The following WDFY3 variants were observed in gnomAD, a reference collection of about 807,000 sequenced individuals.
The protein encoded by WDFY3 is WD repeat and FYVE domain containing 3.
WDFY3 carries 66 observed loss-of-function variants against 409.6 expected under a neutral mutation model. The observed-to-expected ratio is 0.16, with a 90% CI of 0.13 to 0.20. The LOEUF (loss-of-function observed/expected upper bound fraction) is 0.20, where lower values mean the gene tolerates loss of function less well. Ranked by LOEUF, WDFY3 falls within the 10% of genes least tolerant of loss-of-function variation. The pLI is 1.00. For missense variants in WDFY3, 3,031 were observed against 4,298.1 expected (o/e 0.71, Z 8.24); for synonymous variants, 1,521 against 1,537.1 (o/e 0.99, Z 0.25).
At chr4:84,702,322 A>G (rs1359286826) in intron 56 of WDFY3, 31 bp downstream of exon 56, 2 of 1,535,758 alleles carry the variant, frequency 1.3e-6, no homozygotes, top group Admixed American at 4.4e-5. Flanking sequence ...CCTGGCTAAC[A>G]TTCCTAAGAC....
In WDFY3 at chr4:84,670,161, A is replaced by C. The variant is rs1269911865; in HGVS notation, c.*2707T>G. 2 of 152,668 alleles carry C rather than the reference A, an allele frequency of 1.3e-5. No homozygotes were observed. The highest frequency in any genetic ancestry group is 4.8e-5 in the African/African-American group (2 of 41,472). The allele number at this position is 152,668 out of a possible 1,614,324, so 9.5% of individuals were successfully genotyped here. A position where few individuals can be genotyped will look rare whatever the true frequency, so the allele number is the denominator to read the frequency against. On this transcript the variant is annotated 3_prime_UTR_variant, in exon 68 of 68. Coordinates refer to ENST00000295888, the MANE Select transcript of WDFY3 (RefSeq NM_014991.6). ...CTATTCTCTTCTTCAAAAGCATGAC[A>C]TTAGAGTTGCACACTACATAGAAAT...
intron 67 of WDFY3, among the ~76,000 whole-genome samples, chr4:84,674,440 C>A (rs1470794923): frequency 6.6e-6 from 1 of 151,974 alleles, no homozygotes; most frequent in Non-Finnish European, 1.5e-5. Context: ...TGTGGTGGCT[C>A]TTGCCTATAG....
intron 13 of WDFY3, 79 bp downstream of exon 13, chr4:84,817,313 T>C (rs1753440303): frequency 6.4e-7 from 1 of 1,551,026 alleles, no homozygotes; most frequent in Non-Finnish European, 8.8e-7. Flanking sequence ...TTTCCCTGTC[T>C]CTAACTTAAA....
rs1748205238 is a variant in WDFY3 at position 84,789,902 on chromosome 4, C to T, written c.3493G>A (p.Asp1165Asn). ...KEELLQNYVDDFSEESSFYEI... is the reference protein window; with the variant it reads ...KEELLQNYVDNFSEESSFYEI... ...TAAAATGAGGACTCTTCACTAAAATCATCAACTGAAATAAAGGGGGGAAGA... is the reference window on the plus strand; with the variant it reads ...TAAAATGAGGACTCTTCACTAAAATTATCAACTGAAATAAAGGGGGGAAGA... The change falls in exon 22 of 68, where the codon GAT becomes AAT. Residue 1165 changes from aspartate to asparagine, a missense_variant. Around this residue, in one of 16 missense-constraint regions of WDFY3, gnomAD observed 1,322 missense variants for 1,697.9 expected, o/e 0.78. Coordinates refer to ENST00000295888, the MANE Select transcript of WDFY3 (RefSeq NM_014991.6). 6.2e-7 allele frequency: 1 copy of T among 1,613,916 alleles called. No individual in the cohort carries two copies. Among genetic ancestry groups the T allele is most frequent in the Non-Finnish European group, 8.5e-7 (1 of 1,179,920 alleles).
At chr4:84,836,116 T>C (rs1756536570) in intron 7 of WDFY3, among the ~76,000 whole-genome samples, 1 of 152,320 alleles carries the variant, frequency 6.6e-6, no homozygotes, top group Admixed American at 6.5e-5. Flanking sequence ...CAGAACTTCA[T>C]CTTGCAAAAC....
intron 9 of WDFY3, 86 bp from the exon 10 acceptor site, chr4:84,827,067 C>A: frequency 7.1e-7 from 1 of 1,417,686 alleles, no homozygotes; most frequent in Non-Finnish European, 9.5e-7. Flanking sequence ...ATTTTATATG[C>A]AGTAAATAAA....
intron 1 of WDFY3, among the ~76,000 whole-genome samples, chr4:84,963,417 T>A (rs1383807316): frequency 3.0e-5 from 4 of 134,676 alleles, no homozygotes; most frequent in African/African-American, 1.1e-4. Flanking sequence ...ACAGCAAGAC[T>A]CCATCTCAAA....
intron 3 of WDFY3, among the ~76,000 whole-genome samples, chr4:84,862,627 G>C (rs1198414982): frequency 6.6e-6 from 1 of 152,144 alleles, no homozygotes; most frequent in East Asian, 1.9e-4. Context: ...CCTGTAGCTA[G>C]AGTTGATAAT....
At chr4:84,724,714 T>C in intron 45 of WDFY3, 120 bp from the exon 46 acceptor site, 2 of 1,015,208 alleles carry the variant, frequency 2.0e-6, no homozygotes, top group Non-Finnish European at 2.7e-6. Flanking sequence ...TTTCATAGAC[T>C]GTATGTATAT....
chr4:84,749,923 A>T (rs1345754661), intron 36 of WDFY3, among the ~76,000 whole-genome samples: 1 of 152,202 alleles, frequency 6.6e-6, no homozygotes, highest in Non-Finnish European at 1.5e-5. Context: ...AATTCTTCCT[A>T]CTAAAAAATA....
Position 84,735,252 on chromosome 4 carries a change from A to G in WDFY3, c.6916-132T>C, listed in dbSNP as rs1737241748. 3 of 751,192 alleles carry G rather than the reference A, an allele frequency of 4.0e-6. No individual in the cohort carries two copies. In the South Asian group the frequency reaches 5.4e-5, roughly 14 times the overall value. 46.5% of individuals were successfully genotyped at this position (751,192 alleles called of 1,614,324 possible). A position where few individuals can be genotyped will look rare whatever the true frequency, so the allele number is the denominator to read the frequency against. ...AGCACCAAAACAGAAAACTAAAACA[A>G]AAAATTCAGAATGAATTATATGCTT... On this transcript the variant is annotated intron_variant, in intron 42 of 67. Transcript: ENST00000295888.
intron 2 of WDFY3, among the ~76,000 whole-genome samples, chr4:84,916,706 T>C (rs1007751843): frequency 6.6e-6 from 1 of 152,290 alleles, no homozygotes; most frequent in Non-Finnish European, 1.5e-5. Flanking sequence ...TCATGGACTC[T>C]TGATAAATTG....
At chr4:84,715,627 T>C (rs778845050) in intron 49 of WDFY3, among the ~76,000 whole-genome samples, 64 of 151,424 alleles carry the variant, frequency 4.2e-4, no homozygotes, top group Admixed American at 1.4e-3. Flanking sequence ...TACAAAAAAT[T>C]AGCCGGCCTT....
At chr4:84,882,688 T>C (rs1249454653) in intron 3 of WDFY3, among the ~76,000 whole-genome samples, 1 of 152,100 alleles carries the variant, frequency 6.6e-6, no homozygotes, top group African/African-American at 2.4e-5. Flanking sequence ...TTATACCCTT[T>C]GTTAATCAGA....
At chr4:84,938,955 T>C (rs908379547) in intron 1 of WDFY3, among the ~76,000 whole-genome samples, 1 of 152,158 alleles carries the variant, frequency 6.6e-6, no homozygotes, top group East Asian at 1.9e-4. Flanking sequence ...AATTATAACA[T>C]TGTTACAATA....
At position 84,679,841 on chromosome 4, in the gene WDFY3, TACACAC is replaced by T. The variant is rs954549793; in HGVS notation, c.9824-605_9824-600del. Among the ~76,000 whole-genome samples the T allele has an allele frequency of 6.7e-3, 949 of 141,310 alleles. 11 individuals carry two copies. Among genetic ancestry groups the T allele is most frequent in the African/African-American group, 0.024 (909 of 37,886 alleles). 92.7% of individuals were successfully genotyped at this position (141,310 alleles called of 152,430 possible). On this transcript the variant is annotated intron_variant, in intron 64 of 67. Coordinates refer to ENST00000295888, the MANE Select transcript of WDFY3 (RefSeq NM_014991.6). Reference sequence around the variant, plus strand: ...TTCTTCATATATATATATATATATATACACACACACACACACACACACACGTACGTG... The same window carrying T: ...TTCTTCATATATATATATATATATATACACACACACACACACACGTACGTG...
chr4:84,703,758 G>C (rs1483292124), intron 55 of WDFY3, among the ~76,000 whole-genome samples: 1 of 152,086 alleles, frequency 6.6e-6, no homozygotes, highest in Non-Finnish European at 1.5e-5. Flanking sequence ...CCAACCTCCT[G>C]TTCTCCCCAC....
intron 58 of WDFY3, among the ~76,000 whole-genome samples, chr4:84,695,622 A>G (rs1730015356): frequency 6.6e-6 from 1 of 151,300 alleles, no homozygotes. Context: ...TGACCATGTC[A>G]TTTCTCTGCC....
At chr4:84,788,847 C>T (rs1747980532) in intron 22 of WDFY3, among the ~76,000 whole-genome samples, 1 of 152,030 alleles carries the variant, frequency 6.6e-6, no homozygotes, top group South Asian at 2.1e-4. Flanking sequence ...TGGTGAAACC[C>T]CATCTCTACT....
Sources: allele counts gnomAD v4.1 joint callset (sites outside exome capture counted in the v4.1 genomes callset), GRCh38; gene constraint gnomAD v4.1.1; regional missense constraint gnomAD v4.1.1; transcripts MANE v1.5; gene names NCBI Gene and HGNC (gene_info 2026-07-23, HGNC 2026-07-21).